Variants in ASIC2 observed in about 807,000 individuals in gnomAD.
ASIC2 encodes acid-sensing ion channel 2.
ASIC2 carries 25 observed loss-of-function variants against 57.3 expected under a neutral mutation model. That is an observed-to-expected ratio of 0.44 (90% confidence interval 0.32 to 0.61). The LOEUF is 0.61. Among genes scored for constraint, ASIC2 ranks in the 20% least tolerant of loss-of-function variants. The probability of loss-of-function intolerance (pLI) is 0.06; values close to 1 mark genes in which losing one functional copy is unlikely to be tolerated. For synonymous variants in ASIC2, 319 were observed against 307.5 expected, an observed-to-expected ratio of 1.04 and a Z score of -0.39; for missense variants, 641 against 738.1, an observed-to-expected ratio of 0.87 and a Z score of 1.52.
At chr17:33,574,575 G>A in intron 1 of ASIC2, among the ~76,000 whole-genome samples, 1 of 152,132 alleles carries the variant, frequency 6.6e-6, no homozygotes, top group East Asian at 1.9e-4. Context: ...CACAACAGTT[G>A]TGACAAAAAA....
At chr17:33,562,168 A>C (rs766282188) in intron 1 of ASIC2, among the ~76,000 whole-genome samples, 6 of 152,056 alleles carry the variant, frequency 3.9e-5, no homozygotes, top group Admixed American at 6.5e-5. Flanking sequence ...TACGGGCCAA[A>C]TGCCCCTTTC....
chr17:33,863,900 G>GTTTTTTTTTT (rs1031021531), intron 1 of ASIC2, among the ~76,000 whole-genome samples: 2 of 72,494 alleles, frequency 2.8e-5, no homozygotes, highest in Admixed American at 1.5e-4. Flanking sequence ...CTCTTTTTTT[G>GTTTTTTTTTT]TTTTTTTTTT....
chr17:33,382,735 T>C (rs1909534343), intron 1 of ASIC2, among the ~76,000 whole-genome samples: 1 of 152,192 alleles, frequency 6.6e-6, no homozygotes, highest in African/African-American at 2.4e-5. Context: ...ACTAGTAAGT[T>C]CTCTGAAGCA....
At chr17:34,114,596 C>T (rs942512923) in intron 1 of ASIC2, among the ~76,000 whole-genome samples, 1 of 152,174 alleles carries the variant, frequency 6.6e-6, no homozygotes, top group Non-Finnish European at 1.5e-5. Flanking sequence ...GGGCTAAAAG[C>T]AAGTCAGGGA....
chr17:33,206,050 C>T (rs567486819), intron 1 of ASIC2, among the ~76,000 whole-genome samples: 1 of 152,274 alleles, frequency 6.6e-6, no homozygotes, highest in South Asian at 2.1e-4. Flanking sequence ...GGAAGTAGCA[C>T]CTGTAATGAA....
rs73276683 is a variant in ASIC2 at position 33,979,494 on chromosome 17, C to T, written c.555+176484G>A. 5.5e-3 allele frequency among the ~76,000 whole-genome samples: 840 copies of T among 152,198 alleles called. 8 individuals are homozygous for T. The highest frequency in any genetic ancestry group is 0.019 in the African/African-American group (803 of 41,504). On this transcript the variant is annotated intron_variant, in intron 1 of 9. Transcript: ENST00000359872. ...TTAAGAAATCCAGAAAAGTCATCAC[C>T]CCCAGGAATCCACACTGAATGTGAG...
chr17:33,860,298 A>G (rs1331242155), intron 1 of ASIC2, among the ~76,000 whole-genome samples: 2 of 152,158 alleles, frequency 1.3e-5, no homozygotes, highest in African/African-American at 4.8e-5. Flanking sequence ...AATTCTTAAG[A>G]TGGGGGTATA....
At chr17:33,534,939 G>A (rs1050771241) in intron 1 of ASIC2, among the ~76,000 whole-genome samples, 1 of 152,220 alleles carries the variant, frequency 6.6e-6, no homozygotes. Flanking sequence ...AAATGCATTG[G>A]CAGACCAGTC....
intron 1 of ASIC2, among the ~76,000 whole-genome samples, chr17:33,636,418 T>C (rs1332356946): frequency 6.6e-6 from 1 of 152,200 alleles, no homozygotes; most frequent in African/African-American, 2.4e-5. Flanking sequence ...TCCTACCATG[T>C]GTCAGGACAT....
At chr17:33,077,835 G>A (rs1204237516) in intron 3 of ASIC2, among the ~76,000 whole-genome samples, 1 of 152,184 alleles carries the variant, frequency 6.6e-6, no homozygotes, top group Admixed American at 6.5e-5. Context: ...GAGTGTGACA[G>A]TCAGCAAGAC....
intron 1 of ASIC2, among the ~76,000 whole-genome samples, chr17:33,591,038 C>G (rs727207): frequency 0.22 from 32,912 of 152,088 alleles, 3,705 homozygotes; most frequent in African/African-American, 0.23. Context: ...TGCTCAAATG[C>G]TTGATGTCTA....
intron 1 of ASIC2, among the ~76,000 whole-genome samples, chr17:34,021,845 T>G (rs1186070170): frequency 6.8e-6 from 1 of 147,994 alleles, no homozygotes; most frequent in African/African-American, 2.5e-5. Flanking sequence ...TTGTTTTTTT[T>G]TTTTTTTTTT....
At chr17:34,024,758 T>C (rs939454723) in intron 1 of ASIC2, among the ~76,000 whole-genome samples, 2 of 152,152 alleles carry the variant, frequency 1.3e-5, no homozygotes, top group African/African-American at 4.8e-5. Context: ...TCCCTCTCCA[T>C]CCTGCAGGAA....
chr17:33,922,955 C>T (rs1473619474), intron 1 of ASIC2, among the ~76,000 whole-genome samples: 2 of 152,158 alleles, frequency 1.3e-5, no homozygotes, highest in Non-Finnish European at 2.9e-5. Flanking sequence ...CTCTAGAGCG[C>T]ATTTGCTCCA....
chr17:33,807,998 T>C (rs1912316503), intron 1 of ASIC2, among the ~76,000 whole-genome samples: 1 of 152,262 alleles, frequency 6.6e-6, no homozygotes, highest in African/African-American at 2.4e-5. Context: ...CATTTTATTC[T>C]GTTGATGGTG....
At chr17:33,154,240 C>G (rs1328993300) in intron 1 of ASIC2, among the ~76,000 whole-genome samples, 1 of 152,192 alleles carries the variant, frequency 6.6e-6, no homozygotes, top group East Asian at 1.9e-4. Flanking sequence ...TGGCTATTCA[C>G]AGGTGTGATC....
In ASIC2 at chr17:34,136,950, T is replaced by C. The variant is rs150472725; in HGVS notation, c.555+19028A>G. ...TGTCTTGTAACTTCATTGGCACATTTCCCTGGCCCTGGAAGATCCTCACCT... is the reference window on the plus strand; with the variant it reads ...TGTCTTGTAACTTCATTGGCACATTCCCCTGGCCCTGGAAGATCCTCACCT... On this transcript the variant is annotated intron_variant, in intron 1 of 9. Transcript: ENST00000359872. 3.8e-3 allele frequency among the ~76,000 whole-genome samples: 577 copies of C among 152,288 alleles called. 1 individual carries two copies. Among genetic ancestry groups the C allele is most frequent in the Middle Eastern group, 0.017 (5 of 294 alleles).
intron 1 of ASIC2, among the ~76,000 whole-genome samples, chr17:33,229,335 C>T (rs1908004296): frequency 6.6e-6 from 1 of 152,148 alleles, no homozygotes; most frequent in African/African-American, 2.4e-5. Flanking sequence ...TCAAAAAACA[C>T]CACTGTGCTG....
chr17:33,561,972 C>T (rs375925652), intron 1 of ASIC2, among the ~76,000 whole-genome samples: 2 of 152,216 alleles, frequency 1.3e-5, no homozygotes, highest in Non-Finnish European at 2.9e-5. Context: ...GACTCCTCTT[C>T]GAAGTTCCCT....
Sources: gnomAD v4.1 joint callset for allele counts (sites outside exome capture counted in the v4.1 genomes callset) on GRCh38, gnomAD v4.1.1 for gene constraint, MANE v1.5 for transcripts, NCBI Gene and HGNC (gene_info 2026-07-23, HGNC 2026-07-21) for gene names.